The following GLB1 variants were observed in gnomAD, a reference collection of about 807,000 sequenced individuals.
The protein encoded by GLB1 is galactosidase beta 1, also known as beta-galactosidase.
A neutral mutation model predicts 74.0 loss-of-function variants in GLB1; 56 were observed. That is an observed-to-expected ratio of 0.76 (90% CI 0.61 to 0.94). The LOEUF (loss-of-function observed/expected upper bound fraction) is 0.94, where lower values mean the gene tolerates loss of function less well. Among genes scored for constraint, GLB1 ranks in the 40% least tolerant of loss-of-function variants. The pLI, the probability that GLB1 is intolerant of heterozygous loss-of-function variation, is 0.00. For synonymous variants in GLB1, 323 were observed against 323.6 expected, an observed-to-expected ratio of 1.00 and a Z score of 0.02; for missense variants, 787 against 845.5, an observed-to-expected ratio of 0.93 and a Z score of 0.86.
rs9845695 is a variant in GLB1 at position 33,068,076 on chromosome 3, G to A, written c.457+154C>T. 0.093 allele frequency among the ~76,000 whole-genome samples: 14,149 copies of A among 152,012 alleles called. 2,075 individuals are homozygous for A. The highest frequency in any genetic ancestry group is 0.32 in the African/African-American group (13,085 of 41,372). On this transcript the variant is annotated intron_variant, in intron 4 of 15. Transcript: ENST00000307363. ...AATTTTTTGTATTTTTAGTAGGGGC[G>A]AGGTTTTGCCATTTTGGCCAGCCTG...
intron 15 of GLB1, among the ~76,000 whole-genome samples, chr3:33,004,508 T>G (rs908539497): frequency 6.6e-6 from 1 of 152,152 alleles, no homozygotes; most frequent in African/African-American, 2.4e-5. Flanking sequence ...AAACTCAATT[T>G]AAAAATAGTA....
intron 1 of GLB1, chr3:33,094,051 CA>C: frequency 8.7e-6 from 14 of 1,614,258 alleles, no homozygotes; most frequent in Non-Finnish European, 1.2e-5. Context: ...ACAAACAGGG[CA>C]AGCTGCAAGC....
the GLB1 span, among the ~76,000 whole-genome samples, chr3:32,988,637 T>C: frequency 0.028 from 4,333 of 152,260 alleles, 191 homozygotes; most frequent in African/African-American, 0.096. Flanking sequence ...CCACTTCTGT[T>C]TCCTGAACAA....
chr3:33,062,326 C>T (rs565492582), intron 5 of GLB1, among the ~76,000 whole-genome samples: 6 of 152,254 alleles, frequency 3.9e-5, no homozygotes, highest in Admixed American at 2.6e-4. Flanking sequence ...TGGCAGCATA[C>T]TCAGCTAATT....
chr3:33,006,633 A>G (rs1041622877), intron 15 of GLB1, among the ~76,000 whole-genome samples: 9 of 152,146 alleles, frequency 5.9e-5, no homozygotes, highest in African/African-American at 1.9e-4. Context: ...AACATGCCTG[A>G]CCCCTTTCTA....
At position 33,093,497 on chromosome 3, in the gene GLB1, C is replaced by T; in HGVS notation, c.75+3514G>A. ...CCGTGATGTCTGGTTCCAGCACATTCACCATCCTCACAAACATTTCCATCT... is the reference window on the plus strand; with the variant it reads ...CCGTGATGTCTGGTTCCAGCACATTTACCATCCTCACAAACATTTCCATCT... On this transcript the variant is annotated intron_variant, in intron 1 of 15. Transcript: ENST00000307363. The surrounding 1 kb of genome is among the most constrained non-coding windows in gnomAD (Gnocchi z 6.0). 1 of 1,614,238 alleles carries T rather than the reference C, an allele frequency of 6.2e-7. No individual in the cohort carries two copies. Among genetic ancestry groups the T allele is most frequent in the Non-Finnish European group, 8.5e-7 (1 of 1,180,046 alleles).
At chr3:33,003,431 C>T (rs1252674192) in intron 15 of GLB1, among the ~76,000 whole-genome samples, 1 of 152,138 alleles carries the variant, frequency 6.6e-6, no homozygotes, top group Non-Finnish European at 1.5e-5. Flanking sequence ...TGAAGAAGAC[C>T]TTCTTTCACT....
rs77890945 is a variant in GLB1, at chr3:33,052,189, G to C, written c.793-185C>G. Among the ~76,000 whole-genome samples the C allele has an allele frequency of 0.066, 9,975 of 152,156 alleles. 461 individuals carry two copies. Among genetic ancestry groups the C allele is most frequent in the Non-Finnish European group, 0.1 (6,958 of 68,000 alleles). ...AGCAATGCCTATGTTCAGTCCTCAG[G>C]TTCTAACCTAAAGTAGATCTCATCT... On this transcript the variant is annotated intron_variant, in intron 7 of 15. Transcript: ENST00000307363.
intron 1 of GLB1, chr3:33,096,652 C>T (rs1429658777): frequency 5.4e-6 from 6 of 1,101,660 alleles, no homozygotes; most frequent in Non-Finnish European, 6.6e-6. Flanking sequence ...GAGCCGGAGG[C>T]ACCCTCTAAC....
rs35791447 is a variant in GLB1 at position 32,998,512 on chromosome 3, CA to C, written c.1735-1169del. Among the ~76,000 whole-genome samples the C allele has an allele frequency of 0.034, 2,859 of 84,364 alleles. 252 individuals carry two copies. The East Asian group carries it at 0.41, about 12-fold the overall frequency. 55.3% of individuals were successfully genotyped at this position (84,364 alleles called of 152,430 possible). On this transcript the variant is annotated intron_variant, in intron 15 of 15. Transcript: ENST00000307363. ...GCAGTGACAGAGCAAGACTCCGTCT[CA>C]AAAAAAAAAAAAAAAGATTTGCTCA...
intron 1 of GLB1, among the ~76,000 whole-genome samples, chr3:33,073,046 C>T (rs563933388): frequency 2.0e-4 from 31 of 152,218 alleles, no homozygotes; most frequent in African/African-American, 7.2e-4. Flanking sequence ...CACGCATGCA[C>T]GCACACACGC....
Position 33,097,014 on chromosome 3 carries a change from C to G in GLB1, c.72G>C (p.Leu24Phe), listed in dbSNP as rs1701061447. ...TACCCGGGTCCCGCAGACTTACGCG[C>G]AAGCCGCGCGTAGGGCCCAGAAGCA... is the stretch of plus-strand genomic sequence containing the variant. Reference protein sequence around the residue: ...VLLLLGPTRGLRNATQRMFEI... With the variant: ...VLLLLGPTRGFRNATQRMFEI... The change falls in exon 1 of 16, where the codon TTG (leucine) becomes TTC (phenylalanine). Residue 24 changes from leucine (L) to phenylalanine (F), a missense_variant. Transcript: ENST00000307363. 6.2e-7 allele frequency: 1 copy of G among 1,611,882 alleles called. No individual in the cohort carries two copies. Among genetic ancestry groups the G allele is most frequent in the Non-Finnish European group, 8.5e-7 (1 of 1,178,854 alleles).
At chr3:32,974,473 T>C in the GLB1 span, among the ~76,000 whole-genome samples, 1 of 152,198 alleles carries the variant, frequency 6.6e-6, no homozygotes, top group Non-Finnish European at 1.5e-5. Flanking sequence ...TATCCATATC[T>C]ATAGCTGTGT....
In GLB1 at chr3:33,077,513, T is replaced by G; in HGVS notation, c.76-4800A>C. 6.7e-6 allele frequency: 5 copies of G among 750,110 alleles called. 1 individual carries two copies. In the South Asian group the frequency reaches 8.7e-5, roughly 13 times the overall value. 46.5% of individuals were successfully genotyped at this position (750,110 alleles called of 1,614,324 possible). A position where few individuals can be genotyped will look rare whatever the true frequency, so the allele number is the denominator to read the frequency against. On this transcript the variant is annotated intron_variant, in intron 1 of 15. Coordinates refer to ENST00000307363, the MANE Select transcript of GLB1 (RefSeq NM_000404.4). ...CTAAAAAGGGAACCTCCCACTTCAC[T>G]CCAGAACTCTGTTCTTTACAGACCA... is the stretch of plus-strand genomic sequence containing the variant.
intron 1 of GLB1, among the ~76,000 whole-genome samples, chr3:33,088,324 G>A (rs1258015135): frequency 1.3e-5 from 2 of 150,522 alleles, no homozygotes; most frequent in Admixed American, 6.7e-5. Context: ...TAAAATGATC[G>A]ATTCACAGAT....
chr3:33,042,383 T>TTTTTTTC (rs1358390496), intron 10 of GLB1, among the ~76,000 whole-genome samples: 1 of 139,288 alleles, frequency 7.2e-6, no homozygotes, highest in African/African-American at 2.7e-5. Flanking sequence ...TTTTTTTTTT[T>TTTTTTTC]TTTTTTCCAA....
chr3:33,097,142 T>G lies in GLB1; in HGVS notation c.-57A>C, dbSNP rs375278103. 1.3e-6 allele frequency: 2 copies of G among 1,597,722 alleles called. No homozygotes were observed. The highest frequency in any genetic ancestry group is 2.7e-5 in the African/African-American group (2 of 74,036). On this transcript the variant is annotated 5_prime_UTR_variant, in exon 1 of 16. Coordinates refer to ENST00000307363, the MANE Select transcript of GLB1 (RefSeq NM_000404.4). ...CCCAGGCCGGCCGCTTCGCGTCACT[T>G]GACTAAGGACCCACGGCCTGGCACC...
rs1700013569 is a variant in GLB1 at position 33,074,366 on chromosome 3, AAGGAAGGAAGG to A, written c.76-1664_76-1654del. 4.8e-5 allele frequency among the ~76,000 whole-genome samples: 6 copies of A among 124,018 alleles called. 1 individual carries two copies. The highest frequency in any genetic ancestry group is 1.8e-4 in the African/African-American group (6 of 34,170). 81.4% of individuals were successfully genotyped at this position (124,018 alleles called of 152,430 possible). A position where few individuals can be genotyped will look rare whatever the true frequency, so the allele number is the denominator to read the frequency against. ...GAAGGAAGGAAGGAAGGAAGGAAGG[AAGGAAGGAAGG>A]AAGGAAGGAAGGAAGAAAGAAAGAA... is the stretch of plus-strand genomic sequence containing the variant. On this transcript the variant is annotated intron_variant, in intron 1 of 15. Coordinates refer to ENST00000307363, the MANE Select transcript of GLB1 (RefSeq NM_000404.4).
At chr3:32,986,276 G>A in the GLB1 span, among the ~76,000 whole-genome samples, 2 of 151,582 alleles carry the variant, frequency 1.3e-5, no homozygotes, top group African/African-American at 2.4e-5. Flanking sequence ...TGAAAACACT[G>A]GGCAATAGAG....
Sources: allele counts gnomAD v4.1 joint callset (sites outside exome capture counted in the v4.1 genomes callset), GRCh38; gene constraint gnomAD v4.1.1; non-coding constraint Gnocchi (gnomAD v3.1); transcripts MANE v1.5; gene names NCBI Gene and HGNC (gene_info 2026-07-23, HGNC 2026-07-21).